MUC5B: variants seen among roughly 807,000 people sequenced by gnomAD.
MUC5B encodes mucin 5B, oligomeric mucus/gel-forming, also known as mucin-5B.
In MUC5B, 116 loss-of-function variants were observed where a neutral mutation model predicts 376.9. The observed-to-expected ratio is 0.31, with a 90% confidence interval of 0.26 to 0.36. MUC5B has a LOEUF of 0.36. MUC5B is among the 10% of genes least tolerant of loss of function. The pLI is 1.00. For missense variants in MUC5B, 7,165 were observed against 7,769.9 expected (o/e 0.92, Z 2.93); for synonymous variants, 3,517 against 3,390.9 (o/e 1.04, Z -1.29).
chr11:1,223,692 G>A (rs886681304), intron 1 of MUC5B, among the ~76,000 whole-genome samples: 3 of 152,308 alleles, frequency 2.0e-5, no homozygotes, highest in Admixed American at 6.5e-5. Flanking sequence ...AGCCGCAAGA[G>A]CCCCGGCCTC....
rs370908099 is a variant in MUC5B, at chr11:1,250,044, G to C, written c.13164G>C (p.Thr4388=). Residue 4388 remains threonine (T), a synonymous_variant, in exon 31 of 49, where the codon ACG becomes ACC. Coordinates refer to ENST00000529681, the MANE Select transcript of MUC5B (RefSeq NM_002458.3). The part of the protein sequence containing the change: ...STSTPSSTPG[T]TWILTELTTA... Reference sequence around the variant, plus strand: ...CCACCCCCTCCTCCACTCCGGGGACGACCTGGATCCTCACAGAGCTGACCA... The same window carrying C: ...CCACCCCCTCCTCCACTCCGGGGACCACCTGGATCCTCACAGAGCTGACCA... The C allele has an allele frequency of 5.6e-6, 9 of 1,608,666 alleles. No homozygotes were observed. The Middle Eastern group carries it at 6.7e-4, about 119-fold the overall frequency.
rs1175547348 is a variant in MUC5B at position 1,261,927 on chromosome 11, G to A, written c.*319G>A. ...GTGCGGGCCTATGTGTCCCTGCCAC[G>A]GCCGGAGCGCCCGCGCAGCACGGAT... On this transcript the variant is annotated 3_prime_UTR_variant, in exon 49 of 49. Transcript: ENST00000529681. The A allele has an allele frequency of 1.4e-5, 8 of 568,612 alleles. No homozygotes were observed. The highest frequency in any genetic ancestry group is 2.2e-5 in the Admixed American group (1 of 45,334). The allele number at this position is 568,612 out of a possible 1,614,324, so 35.2% of individuals were successfully genotyped here. A position where few individuals can be genotyped will look rare whatever the true frequency, so the allele number is the denominator to read the frequency against.
rs774683925 is a variant in MUC5B at position 1,227,290 on chromosome 11, G to C, written c.577-18G>C. On this transcript the variant is annotated intron_variant, in intron 5 of 48. Coordinates refer to ENST00000529681, the MANE Select transcript of MUC5B (RefSeq NM_002458.3). ...GATCAGAGGTCCTGAGGCTGGAGCT[G>C]CCCCTCCCCACTCTCAGCTGGAGCT... 6.1e-5 allele frequency: 98 copies of C among 1,607,026 alleles called. No individual in the cohort carries two copies. Among genetic ancestry groups the C allele is most frequent in the Non-Finnish European group, 8.1e-5 (95 of 1,175,248 alleles).
chr11:1,255,616 C>T (rs1303914417), intron 37 of MUC5B, 58 bp downstream of exon 37: 31 of 552,552 alleles, frequency 5.6e-5, no homozygotes, highest in Admixed American at 9.7e-5. Flanking sequence ...GTGTCCTGTG[C>T]GGTGAGTGGG....
chr11:1,250,338 G>T lies in MUC5B; in HGVS notation c.13458G>T (p.Thr4486=), dbSNP rs746678966. 24 of 1,611,492 alleles carry T rather than the reference G, an allele frequency of 1.5e-5. No homozygotes were observed. ...CCCCACATGTGAGCACCACGGCCAC[G>T]ACACCCACAGTCACCAGCTCCAAAG... ...AGTPHVSTTA[T]TPTVTSSKAT... The change falls in exon 31 of 49, where the codon ACG becomes ACT. Residue 4486 remains threonine (T), a synonymous_variant. Coordinates refer to ENST00000529681, the MANE Select transcript of MUC5B (RefSeq NM_002458.3).
Position 1,244,928 on chromosome 11 carries a change from C to T in MUC5B, c.8048C>T (p.Thr2683Ile). 1.3e-6 allele frequency: 2 copies of T among 1,589,538 alleles called. No homozygotes were observed. Among genetic ancestry groups the T allele is most frequent in the Non-Finnish European group, 1.7e-6 (2 of 1,168,492 alleles). The stretch of plus-strand genomic sequence containing the variant: ...GCAACACCCTCCTCTAGCACACAGA[C>T]CAGTGGTACTCCCCCATCACTGACC... ...SMATPSSSTQTSGTPPSLTTT... is the reference protein window; with the variant it reads ...SMATPSSSTQISGTPPSLTTT... Residue 2683 changes from threonine to isoleucine, a missense_variant, in exon 31 of 49, where the codon ACC (threonine) becomes ATC (isoleucine). By Grantham distance (89) the Thr-to-Ile change is moderately conservative (BLOSUM62 -1). Around this residue, in one of 31 missense-constraint regions of MUC5B, gnomAD observed 70 missense variants for 169.1 expected, o/e 0.41. Coordinates refer to ENST00000529681, the MANE Select transcript of MUC5B (RefSeq NM_002458.3).
At chr11:1,229,972 C>T in intron 10 of MUC5B, 33 bp from the exon 11 acceptor site, 7 of 1,569,234 alleles carry the variant, frequency 4.5e-6, no homozygotes, top group Non-Finnish European at 6.0e-6. Flanking sequence ...CTCCTCCCGA[C>T]ATGCCGGTTC....
chr11:1,254,676 T>C lies in MUC5B; in HGVS notation c.15478-18T>C, dbSNP rs1862787449. 6 of 1,606,100 alleles carry C rather than the reference T, an allele frequency of 3.7e-6. No individual in the cohort carries two copies. The East Asian group carries it at 1.3e-4, about 36-fold the overall frequency. The stretch of plus-strand genomic sequence containing the variant: ...CTGGCACTGCCTCCCAGCTCAGGGT[T>C]CCCCTGGATTCCCCCAGATCCTGTT... On this transcript the variant is annotated intron_variant, in intron 34 of 48. Transcript: ENST00000529681.
chr11:1,230,886 G>A (rs781251312), intron 12 of MUC5B, 50 bp from the exon 13 acceptor site: 29 of 1,550,002 alleles, frequency 1.9e-5, no homozygotes, highest in Non-Finnish European at 2.4e-5. Context: ...TTTGAGAGTC[G>A]GGAATGGGTT....
Position 1,240,104 on chromosome 11 carries a change from G to C in MUC5B, c.3772+16G>C, listed in dbSNP as rs774044249. The C allele has an allele frequency of 1.9e-6, 3 of 1,561,492 alleles. No individual in the cohort carries two copies. In the South Asian group the frequency reaches 3.6e-5, roughly 19 times the overall value. On this transcript the variant is annotated intron_variant, in intron 29 of 48. Coordinates refer to ENST00000529681, the MANE Select transcript of MUC5B (RefSeq NM_002458.3). ...AGCCTTGAGGGTAAGGAAGGGCCGG[G>C]GGGTTAGTGGGCCGGTGAAGGCTGG...
rs1412091150 is a variant in MUC5B at position 1,224,856 on chromosome 11, G to A, written c.71-825G>A. ...CCTCGCTGAGCCCTGACCATGCTGTGGGGGCTGGGGCCTCACCTCCCACCT... is the reference window on the plus strand; with the variant it reads ...CCTCGCTGAGCCCTGACCATGCTGTAGGGGCTGGGGCCTCACCTCCCACCT... On this transcript the variant is annotated intron_variant, in intron 1 of 48. Coordinates refer to ENST00000529681, the MANE Select transcript of MUC5B (RefSeq NM_002458.3). Among the ~76,000 whole-genome samples, 3 of 152,238 alleles carry A rather than the reference G, an allele frequency of 2.0e-5. No homozygotes were observed. The East Asian group carries it at 5.8e-4, about 29-fold the overall frequency.
rs766036125 is a variant in MUC5B, at chr11:1,250,555, G to T, written c.13675G>T (p.Val4559Phe). The T allele has an allele frequency of 6.2e-7, 1 of 1,612,090 alleles. No homozygotes were observed. Among genetic ancestry groups the T allele is most frequent in the African/African-American group, 1.3e-5 (1 of 74,242 alleles). The change falls in exon 31 of 49, where the codon GTC (valine) becomes TTC (phenylalanine). Residue 4559 changes from valine to phenylalanine, a missense_variant. Around this residue, in one of 31 missense-constraint regions of MUC5B, gnomAD observed 730 missense variants for 592.7 expected, o/e 1.23. Transcript: ENST00000529681. ...TATPSSTPET[V>F]HTSTVLTATA... is the part of the protein sequence containing the mutation. ...CACACCCTCCTCCACTCCAGAGACTGTCCACACCTCCACAGTGCTTACCGC... is the reference window on the plus strand; with the variant it reads ...CACACCCTCCTCCACTCCAGAGACTTTCCACACCTCCACAGTGCTTACCGC...
At chr11:1,254,982 G>A (rs1862797650) in intron 35 of MUC5B, 59 bp from the exon 36 acceptor site, 3 of 693,620 alleles carry the variant, frequency 4.3e-6, no homozygotes, top group Admixed American at 2.2e-5. Flanking sequence ...GGGGGAGGGG[G>A]GTGGGGGCTG....
At chr11:1,232,979 G>T (rs750796871) in intron 17 of MUC5B, 34 bp from the exon 18 acceptor site, 4 of 1,534,894 alleles carry the variant, frequency 2.6e-6, no homozygotes, top group Non-Finnish European at 3.5e-6. Context: ...CTGCTCGGCC[G>T]CTGACCTGTC....
In MUC5B at chr11:1,234,533, G is replaced by T. The variant is rs1159962000; in HGVS notation, c.2483G>T (p.Ser828Ile). The T allele has an allele frequency of 6.3e-7, 1 of 1,579,342 alleles. No individual in the cohort carries two copies. The highest frequency in any genetic ancestry group is 8.6e-7 in the Non-Finnish European group (1 of 1,163,488). ...GTACCTGCCTGGGCCCCACAGTTCA[G>T]CACACACTGCGTGTCCGGCTGTGTC... ...SCHTLDVGCF[S>I]THCVSGCVCP... The change falls in exon 21 of 49, where the codon AGC becomes ATC. Residue 828 changes from serine (S) to isoleucine (I), a missense_variant. Ser to Ile is a moderately radical substitution (Grantham distance 142). Around this residue, in one of 31 missense-constraint regions of MUC5B, gnomAD observed 530 missense variants for 604.0 expected, o/e 0.88. Coordinates refer to ENST00000529681, the MANE Select transcript of MUC5B (RefSeq NM_002458.3). This position sits in a 1 kb window ranked among gnomAD's most constrained non-coding sequence, Gnocchi z 6.3.
chr11:1,238,799 G>A (rs1862209993), intron 25 of MUC5B, 72 bp from the exon 26 acceptor site: 1 of 1,488,862 alleles, frequency 6.7e-7, no homozygotes, highest in African/African-American at 1.4e-5. Flanking sequence ...CCAGCAACTG[G>A]CCCTGGGCCA....
Position 1,244,139 on chromosome 11 carries a change from C to T in MUC5B, c.7259C>T (p.Thr2420Ile), listed in dbSNP as rs1862379608. Residue 2420 changes from threonine to isoleucine, a missense_variant, in exon 31 of 49, where the codon ACC becomes ATC. By Grantham distance (89) the Thr-to-Ile change is moderately conservative. This residue lies in a region of MUC5B where 194 missense variants were observed against 268.5 expected (regional missense o/e 0.72). Coordinates refer to ENST00000529681, the MANE Select transcript of MUC5B (RefSeq NM_002458.3). ...NYGHCPSTPATSSTAMPSSTP... is the reference protein window; with the variant it reads ...NYGHCPSTPAISSTAMPSSTP... ...GGCCACTGCCCCAGCACCCCGGCCA[C>T]CAGCTCTACGGCCATGCCCTCCTCC... The T allele has an allele frequency of 6.2e-7, 1 of 1,613,062 alleles. No homozygotes were observed. Among genetic ancestry groups the T allele is most frequent in the Non-Finnish European group, 8.5e-7 (1 of 1,179,724 alleles).
intron 45 of MUC5B, 58 bp downstream of exon 45, chr11:1,259,900 C>A (rs1213251635): frequency 1.2e-6 from 2 of 1,612,138 alleles, no homozygotes; most frequent in Admixed American, 1.7e-5. Flanking sequence ...ACCCTCACCC[C>A]CAATGGGGCT....
Position 1,226,688 on chromosome 11 carries a change from C to A in MUC5B, c.273C>A (p.Asp91Glu). 1 of 1,612,634 alleles carries A rather than the reference C, an allele frequency of 6.2e-7. No individual in the cohort carries two copies. Among genetic ancestry groups the A allele is most frequent in the Non-Finnish European group, 8.5e-7 (1 of 1,179,786 alleles). ...TCCACTACAAGACCTTCGACGGCGA[C>A]GTCTTCCGCTTCCCTGGCCTTTGCA... ...GDFHYKTFDGDVFRFPGLCNY... is the reference protein window; with the variant it reads ...GDFHYKTFDGEVFRFPGLCNY... Residue 91 changes from aspartate (D) to glutamate (E), a missense_variant, in exon 4 of 49, where the codon GAC becomes GAA. Around this residue, in one of 31 missense-constraint regions of MUC5B, gnomAD observed 640 missense variants for 733.0 expected, o/e 0.87. Coordinates refer to ENST00000529681, the MANE Select transcript of MUC5B (RefSeq NM_002458.3).
Sources: allele counts gnomAD v4.1 joint callset (sites outside exome capture counted in the v4.1 genomes callset), GRCh38; gene constraint gnomAD v4.1.1; regional missense constraint gnomAD v4.1.1; non-coding constraint Gnocchi (gnomAD v3.1); transcripts MANE v1.5; gene names NCBI Gene and HGNC (gene_info 2026-07-23, HGNC 2026-07-21).